Variants in CPA6 observed in about 807,000 individuals in gnomAD.
CPA6 encodes carboxypeptidase B.
A neutral mutation model predicts 63.3 loss-of-function variants in CPA6; 58 were observed. That is an observed-to-expected ratio of 0.92 (90% CI 0.74 to 1.14). CPA6 has a LOEUF of 1.14. CPA6 is among the 50% of genes most tolerant of loss of function. The pLI is 0.00. For missense variants in CPA6, 565 were observed against 526.6 expected (o/e 1.07, Z -0.71); for synonymous variants, 185 against 179.0 (o/e 1.03, Z -0.27).
intron 1 of CPA6, among the ~76,000 whole-genome samples, chr8:67,744,475 G>A (rs1817970800): frequency 6.6e-6 from 1 of 152,180 alleles, no homozygotes; most frequent in Non-Finnish European, 1.5e-5. Flanking sequence ...AGGGAAGGGT[G>A]CACACCTGCT....
chr8:67,442,843 T>C (rs1478452787), intron 8 of CPA6, among the ~76,000 whole-genome samples: 1 of 152,146 alleles, frequency 6.6e-6, no homozygotes, highest in East Asian at 1.9e-4. Flanking sequence ...CAGCTGCGCC[T>C]CGCCAATGAC....
At chr8:67,545,988 C>T (rs1331861306) in intron 2 of CPA6, among the ~76,000 whole-genome samples, 1 of 152,160 alleles carries the variant, frequency 6.6e-6, no homozygotes, top group Non-Finnish European at 1.5e-5. Context: ...TTCATCATCT[C>T]CTCTCCCAGT....
chr8:67,742,067 G>A (rs1232843313), intron 1 of CPA6, among the ~76,000 whole-genome samples: 2 of 152,070 alleles, frequency 1.3e-5, no homozygotes, highest in Non-Finnish European at 2.9e-5. Context: ...CACACAATGG[G>A]CATCCAAATA....
At chr8:67,639,169 G>T (rs578234764) in intron 1 of CPA6, among the ~76,000 whole-genome samples, 2 of 151,660 alleles carry the variant, frequency 1.3e-5, no homozygotes, top group East Asian at 3.9e-4. Flanking sequence ...AGAGCCCCGT[G>T]GTAAATATTT....
chr8:67,629,348 G>T (rs1312050255), intron 1 of CPA6, among the ~76,000 whole-genome samples: 1 of 151,526 alleles, frequency 6.6e-6, no homozygotes, highest in Non-Finnish European at 1.5e-5. Flanking sequence ...GGGCATCATG[G>T]CACATACATA....
In CPA6 at chr8:67,509,607, C is replaced by T; in HGVS notation, c.444G>A (p.Trp148Ter). 1 of 1,568,056 alleles carries T rather than the reference C, an allele frequency of 6.4e-7. No homozygotes were observed. The highest frequency in any genetic ancestry group is 8.7e-7 in the Non-Finnish European group (1 of 1,144,362). Residue 148 changes from tryptophan (W) to a stop codon, truncating the protein, a stop_gained, in exon 5 of 11, where the codon TGG becomes TGA. Coordinates refer to ENST00000297770, the MANE Select transcript of CPA6 (RefSeq NM_020361.5). LOFTEE classifies it high-confidence loss of function. ...AGTGAGTTTTATTCAGATGATGCATCCAATTTTGAATCTAAGAGCAAATAA... is the reference window on the plus strand; with the variant it reads ...AGTGAGTTTTATTCAGATGATGCATTCAATTTTGAATCTAAGAGCAAATAA... ...VYHSLEEIQN[W>*]MHHLNKTHSG...
intron 2 of CPA6, among the ~76,000 whole-genome samples, chr8:67,622,208 A>C (rs1815098556): frequency 1.3e-5 from 2 of 152,230 alleles, no homozygotes; most frequent in South Asian, 4.1e-4. Context: ...TGGACTTCAA[A>C]ATGAAAAGTG....
intron 9 of CPA6, among the ~76,000 whole-genome samples, chr8:67,432,215 T>C (rs1810042997): frequency 6.6e-6 from 1 of 152,180 alleles, no homozygotes; most frequent in Admixed American, 6.5e-5. Context: ...CTTCACCCTC[T>C]GAGGAGGAGA....
chr8:67,594,396 C>T (rs533123387), intron 2 of CPA6, among the ~76,000 whole-genome samples: 3 of 151,988 alleles, frequency 2.0e-5, no homozygotes, highest in Non-Finnish European at 2.9e-5. Context: ...ATCTTTGCGG[C>T]GTTCTCTGTA....
chr8:67,566,869 C>T (rs1251002971), intron 2 of CPA6, among the ~76,000 whole-genome samples: 3 of 152,130 alleles, frequency 2.0e-5, no homozygotes, highest in Admixed American at 6.5e-5. Flanking sequence ...AAATGATATG[C>T]CCAGGAATGG....
At chr8:67,538,153 T>C (rs556504964) in intron 2 of CPA6, among the ~76,000 whole-genome samples, 1 of 152,360 alleles carries the variant, frequency 6.6e-6, no homozygotes, top group Admixed American at 6.5e-5. Flanking sequence ...GAGAAGAATG[T>C]ATATTCTGTC....
intron 2 of CPA6, among the ~76,000 whole-genome samples, chr8:67,548,448 G>A (rs776918754): frequency 6.6e-6 from 1 of 151,516 alleles, no homozygotes; most frequent in Non-Finnish European, 1.5e-5. Context: ...GTAGAGACAG[G>A]GTTTCACCAT....
rs767056486 is a variant in CPA6 at position 67,483,860 on chromosome 8, T to TTTTCA, written c.748-3_748-2insTGAAA. 6.2e-7 allele frequency: 1 copy of TTTTCA among 1,611,930 alleles called. No homozygotes were observed. The highest frequency in any genetic ancestry group is 2.2e-5 in the East Asian group (1 of 44,846). ...CCTTGTTTTTCTCCAAAATCGATCC[T>TTTTCA]AGACATAATTAAGAAAACAGGTGCT... is the stretch of plus-strand genomic sequence containing the variant. On this transcript the variant is annotated splice_polypyrimidine_tract_variant and splice_region_variant and intron_variant, in intron 7 of 10. Coordinates refer to ENST00000297770, the MANE Select transcript of CPA6 (RefSeq NM_020361.5).
At chr8:67,590,429 G>T (rs928443368) in intron 2 of CPA6, among the ~76,000 whole-genome samples, 1 of 151,200 alleles carries the variant, frequency 6.6e-6, no homozygotes, top group Non-Finnish European at 1.5e-5. Flanking sequence ...TGGGTCAAAC[G>T]GTATTTCTAG....
chr8:67,655,853 A>G (rs1752613500), intron 1 of CPA6, among the ~76,000 whole-genome samples: 1 of 152,206 alleles, frequency 6.6e-6, no homozygotes, highest in Non-Finnish European at 1.5e-5. Context: ...GACAGAAGAC[A>G]GTATCTGAAA....
intron 2 of CPA6, among the ~76,000 whole-genome samples, chr8:67,550,068 G>A (rs932375143): frequency 2.0e-5 from 3 of 152,054 alleles, no homozygotes; most frequent in Non-Finnish European, 4.4e-5. Context: ...TTTAGATTTG[G>A]AGCTACATGT....
intron 1 of CPA6, among the ~76,000 whole-genome samples, chr8:67,730,945 C>T (rs551602899): frequency 6.6e-6 from 1 of 152,294 alleles, no homozygotes; most frequent in African/African-American, 2.4e-5. Flanking sequence ...GGTAAGTAGT[C>T]ACCATAAAAA....
intron 1 of CPA6, among the ~76,000 whole-genome samples, chr8:67,654,178 A>T (rs970275802): frequency 6.6e-6 from 1 of 152,206 alleles, no homozygotes; most frequent in Non-Finnish European, 1.5e-5. Context: ...ATCAATGTTC[A>T]TCAAGGATAT....
At chr8:67,620,904 G>A (rs892048474) in intron 2 of CPA6, among the ~76,000 whole-genome samples, 7 of 152,288 alleles carry the variant, frequency 4.6e-5, no homozygotes, top group African/African-American at 1.4e-4. Context: ...TGGAAAGTTG[G>A]ATATCAGGAG....
Sources: gnomAD v4.1 joint callset for allele counts (sites outside exome capture counted in the v4.1 genomes callset) on GRCh38, gnomAD v4.1.1 for gene constraint, MANE v1.5 for transcripts, NCBI Gene and HGNC (gene_info 2026-07-23, HGNC 2026-07-21) for gene names.